PAX7: variants seen among roughly 807,000 people sequenced by gnomAD.
PAX7 encodes the protein paired box 7.
A neutral mutation model predicts 50.7 loss-of-function variants in PAX7; 18 were observed. That is an observed-to-expected ratio of 0.36 (90% CI 0.25 to 0.53). The LOEUF is 0.53. PAX7 is among the 20% of genes least tolerant of loss of function. PAX7 has a pLI of 0.93. For synonymous variants in PAX7, 310 were observed against 290.4 expected (o/e 1.07, Z -0.69); for missense variants, 644 against 702.9 (o/e 0.92, Z 0.95).
intron 5 of PAX7, among the ~76,000 whole-genome samples, chr1:18,694,771 C>A (rs921421950): frequency 6.6e-6 from 1 of 152,272 alleles, no homozygotes; most frequent in African/African-American, 2.4e-5. Context: ...TGGAACTCAA[C>A]AATTACTAAG....
intron 4 of PAX7, among the ~76,000 whole-genome samples, chr1:18,651,877 C>T (rs1192316436): frequency 6.9e-6 from 1 of 144,646 alleles, no homozygotes; most frequent in East Asian, 2.2e-4. Flanking sequence ...GCCTCTGCTG[C>T]TTCAAAGAGG....
At chr1:18,670,658 C>T (rs1322213547) in intron 4 of PAX7, among the ~76,000 whole-genome samples, 5 of 152,194 alleles carry the variant, frequency 3.3e-5, no homozygotes, top group Non-Finnish European at 5.9e-5. Flanking sequence ...TCTGTCCATC[C>T]GTCACACCAG....
At position 18,679,880 on chromosome 1, in the gene PAX7, G is replaced by A. The variant is rs143525979; in HGVS notation, c.587-11874G>A. The stretch of plus-strand genomic sequence containing the variant: ...CCTTTGTGTTTTGCGCCAGGCAACT[G>A]TGCTTGCCTCTGAGGGATACAGAAG... On this transcript the variant is annotated intron_variant, in intron 4 of 8. Transcript: ENST00000420770. Among the ~76,000 whole-genome samples the A allele has an allele frequency of 1.9e-3, 297 of 152,336 alleles. 2 individuals are homozygous for A. The South Asian group carries it at 0.029, about 15-fold the overall frequency.
intron 4 of PAX7, among the ~76,000 whole-genome samples, chr1:18,645,420 T>G (rs1034392876): frequency 6.6e-6 from 1 of 152,088 alleles, no homozygotes; most frequent in Non-Finnish European, 1.5e-5. Flanking sequence ...GATAAGTAGC[T>G]CGGAAAACTC....
At chr1:18,660,270 G>T (rs1449979782) in intron 4 of PAX7, among the ~76,000 whole-genome samples, 1 of 152,142 alleles carries the variant, frequency 6.6e-6, no homozygotes, top group Non-Finnish European at 1.5e-5. Context: ...CCTACCTGTG[G>T]AAGACAGGTG....
At chr1:18,642,276 T>C (rs538426049) in intron 4 of PAX7, among the ~76,000 whole-genome samples, 102 of 152,164 alleles carry the variant, frequency 6.7e-4, no homozygotes, top group Non-Finnish European at 1.1e-3. Flanking sequence ...CTTCATTCTG[T>C]ACTGTGAGGC....
intron 3 of PAX7, among the ~76,000 whole-genome samples, chr1:18,635,936 G>A (rs1038708538): frequency 6.6e-6 from 1 of 152,262 alleles, no homozygotes; most frequent in Non-Finnish European, 1.5e-5. Context: ...GACCTCTCGG[G>A]GGTGTGGGTG....
At chr1:18,717,217 G>A (rs976611305) in intron 7 of PAX7, among the ~76,000 whole-genome samples, 8 of 152,152 alleles carry the variant, frequency 5.3e-5, no homozygotes, top group Non-Finnish European at 8.8e-5. Flanking sequence ...CTGGGATCCC[G>A]AGCAGCCGCG....
intron 4 of PAX7, among the ~76,000 whole-genome samples, chr1:18,681,788 G>C (rs767991670): frequency 6.8e-6 from 1 of 147,270 alleles, no homozygotes; most frequent in East Asian, 2.0e-4. Context: ...TTTCATTCTT[G>C]TTGCCCAGGC....
At chr1:18,739,536 C>T (rs1323102197) in intron 8 of PAX7, among the ~76,000 whole-genome samples, 1 of 152,164 alleles carries the variant, frequency 6.6e-6, no homozygotes, top group Non-Finnish European at 1.5e-5. Context: ...GTGGTTATTC[C>T]CATTGGACAG....
rs762171632 is a variant in PAX7 at position 18,735,984 on chromosome 1, T to A, written c.1402+106T>A. 1 of 1,612,976 alleles carries A rather than the reference T, an allele frequency of 6.2e-7. No individual in the cohort carries two copies. The highest frequency in any genetic ancestry group is 1.7e-5 in the Admixed American group (1 of 59,946). ...TACAAGGTGGTGTCAGGGTGGGGAATGTCCATTTCACAGATGGAAAAATTG... is the reference window on the plus strand; with the variant it reads ...TACAAGGTGGTGTCAGGGTGGGGAAAGTCCATTTCACAGATGGAAAAATTG... On this transcript the variant is annotated intron_variant, in intron 8 of 8. Transcript: ENST00000420770. The surrounding 1 kb of genome is among the most constrained non-coding windows in gnomAD (Gnocchi z 4.0).
chr1:18,655,203 A>G (rs1030864488), intron 4 of PAX7, among the ~76,000 whole-genome samples: 1 of 152,340 alleles, frequency 6.6e-6, no homozygotes, highest in Non-Finnish European at 1.5e-5. Context: ...CAGGGGCCAG[A>G]AGCTGGTCTC....
chr1:18,712,057 G>C (rs1023229977), intron 7 of PAX7, among the ~76,000 whole-genome samples: 2 of 151,916 alleles, frequency 1.3e-5, no homozygotes, highest in Admixed American at 1.3e-4. Flanking sequence ...TTTTTCCCCC[G>C]GTTCTCTTGG....
intron 7 of PAX7, among the ~76,000 whole-genome samples, chr1:18,707,522 A>C (rs968307149): frequency 1.4e-5 from 2 of 147,280 alleles, no homozygotes; most frequent in Admixed American, 7.0e-5. Context: ...TCCCAGGTTC[A>C]AGCAATTTTC....
intron 8 of PAX7, among the ~76,000 whole-genome samples, chr1:18,737,027 C>A (rs1330993454): frequency 6.6e-6 from 1 of 152,284 alleles, no homozygotes; most frequent in Non-Finnish European, 1.5e-5. Flanking sequence ...ATCCCAGCTG[C>A]TATCCCCTTT....
In PAX7 at chr1:18,725,314, C is replaced by CG. The variant is rs1491453789; in HGVS notation, c.1156-10318_1156-10317insG. Among the ~76,000 whole-genome samples the CG allele has an allele frequency of 3.2e-3, 35 of 11,024 alleles. 1 individual carries two copies. In the African/African-American group the frequency reaches 0.056, roughly 17 times the overall value. 7.2% of individuals were successfully genotyped at this position (11,024 alleles called of 152,430 possible). On this transcript the variant is annotated intron_variant, in intron 7 of 8. Transcript: ENST00000420770. ...CAGAGGTGGAGACGCCCCCCCCCCG[C>CG]CCCACCAACACCGCCAGGCCAGGGG...
intron 5 of PAX7, among the ~76,000 whole-genome samples, chr1:18,696,569 A>C (rs1042446478): frequency 6.6e-6 from 1 of 152,262 alleles, no homozygotes; most frequent in Non-Finnish European, 1.5e-5. Flanking sequence ...TCAGCCATAA[A>C]AAAGAATGAG....
chr1:18,652,773 C>T (rs1002529190), intron 4 of PAX7, among the ~76,000 whole-genome samples: 2 of 152,208 alleles, frequency 1.3e-5, no homozygotes, highest in Admixed American at 1.3e-4. Flanking sequence ...GGTGCCTCAG[C>T]TCTTTGGGTC....
intron 4 of PAX7, among the ~76,000 whole-genome samples, chr1:18,659,340 A>T (rs2088567934): frequency 6.6e-6 from 1 of 152,168 alleles, no homozygotes; most frequent in Non-Finnish European, 1.5e-5. Context: ...AGGAAAGGGG[A>T]GGGGGCAGCC....
Sources: allele counts gnomAD v4.1 joint callset (sites outside exome capture counted in the v4.1 genomes callset), GRCh38; gene constraint gnomAD v4.1.1; non-coding constraint Gnocchi (gnomAD v3.1); transcripts MANE v1.5; gene names NCBI Gene and HGNC (gene_info 2026-07-23, HGNC 2026-07-21).